The following TUT1 variants were observed in gnomAD, a reference collection of about 807,000 sequenced individuals.
TUT1 encodes speckle targeted PIP5K1A-regulated poly(A) polymerase.
TUT1 carries 26 observed loss-of-function variants against 48.8 expected under a neutral mutation model. That is an observed-to-expected ratio of 0.53 (90% CI 0.39 to 0.74). The LOEUF (loss-of-function observed/expected upper bound fraction) is 0.74, where lower values mean the gene tolerates loss of function less well. TUT1 is among the 30% of genes least tolerant of loss of function. TUT1 has a pLI of 0.00. For missense variants in TUT1, 1,065 were observed against 1,114.8 expected (o/e 0.96, Z 0.64); for synonymous variants, 470 against 460.8 (o/e 1.02, Z -0.26).
intron 2 of TUT1, among the ~76,000 whole-genome samples, chr11:62,586,387 A>G (rs1359192736): frequency 6.6e-6 from 1 of 152,236 alleles, no homozygotes; most frequent in Non-Finnish European, 1.5e-5. Context: ...CCAACTGCCT[A>G]CTGACCATTT....
Position 62,578,704 on chromosome 11 carries a change from T to C in TUT1, c.1017A>G (p.Ala339=). The C allele has an allele frequency of 3.7e-6, 6 of 1,614,214 alleles. No individual in the cohort carries two copies. Among genetic ancestry groups the C allele is most frequent in the Non-Finnish European group, 4.2e-6 (5 of 1,180,046 alleles). ...GAATGGATCCCACCAGCTCCAGCAT[T>C]GCTGCCCCCTCTGCTTTCTCCTCCT... The part of the protein sequence containing the change: ...TPKEEKAEGA[A]MLELVGSILR... The change falls in exon 5 of 9, where the codon GCA becomes GCG. Residue 339 remains alanine, a synonymous_variant. Transcript: ENST00000476907.
chr11:62,581,197 A>C lies in TUT1; in HGVS notation c.599T>G (p.Val200Gly). 1 of 1,614,148 alleles carries C rather than the reference A, an allele frequency of 6.2e-7. No homozygotes were observed. The highest frequency in any genetic ancestry group is 8.5e-7 in the Non-Finnish European group (1 of 1,180,014). The change falls in exon 4 of 9, where the codon GTC becomes GGC. Residue 200 changes from valine (V) to glycine (G), a missense_variant. Physicochemically the swap from Val to Gly is moderately radical, Grantham distance 109. Coordinates refer to ENST00000476907, the MANE Select transcript of TUT1 (RefSeq NM_022830.3). The stretch of plus-strand genomic sequence containing the variant: ...ATTTATGGAAGAGCCAAAAGGGTGG[A>C]CCACACAGCCTGGGTGCCGAGCAGA... ...VFTEFFPGCV[V>G]HPFGSSINSF...
rs1565264407 is a variant in TUT1, at chr11:62,575,188, G to A, written c.2531C>T (p.Thr844Ile). 6.2e-7 allele frequency: 1 copy of A among 1,611,690 alleles called. No individual in the cohort carries two copies. The highest frequency in any genetic ancestry group is 8.5e-7 in the Non-Finnish European group (1 of 1,178,020). Residue 844 changes from threonine to isoleucine, a missense_variant, in exon 9 of 9, where the codon ACT becomes ATT. Coordinates refer to ENST00000476907, the MANE Select transcript of TUT1 (RefSeq NM_022830.3). ...TTGGGGATCCTGGAGCGGGGTCACA[G>A]TGAGCATTCGGTCAGCCGGGGAGAC... ...ASVSPADRML[T>I]VTPLQDPQGL...
Position 62,581,471 on chromosome 11 carries a change from C to G in TUT1, c.504G>C (p.Gly168=). ...GCTCGGCCTCGGACAACTCCCTCAG[C>G]CCCACAAGCTTTATCATTTGTGCCC... The part of the protein sequence containing the change: ...DVGAQMIKLV[G]LRELSEAERQ... Residue 168 remains glycine (G), a synonymous_variant, in exon 3 of 9, where the codon GGG becomes GGC. Coordinates refer to ENST00000476907, the MANE Select transcript of TUT1 (RefSeq NM_022830.3). The G allele has an allele frequency of 6.2e-7, 1 of 1,614,138 alleles. No homozygotes were observed. The highest frequency in any genetic ancestry group is 8.5e-7 in the Non-Finnish European group (1 of 1,180,024).
intron 2 of TUT1, among the ~76,000 whole-genome samples, chr11:62,582,092 C>A (rs1345076396): frequency 6.6e-6 from 1 of 152,118 alleles, no homozygotes; most frequent in South Asian, 2.1e-4. Flanking sequence ...CAGCGATTCT[C>A]CTGCCTCAGT....
chr11:62,587,382 T>C (rs1476637290), intron 2 of TUT1, among the ~76,000 whole-genome samples: 6 of 152,106 alleles, frequency 3.9e-5, no homozygotes, highest in African/African-American at 1.4e-4. Flanking sequence ...GGTTTCTCCA[T>C]GTTGGTCAGG....
In TUT1 at chr11:62,581,698, C is replaced by T. The variant is rs145823364; in HGVS notation, c.277G>A (p.Val93Met). The T allele has an allele frequency of 3.2e-4, 467 of 1,450,902 alleles. 3 individuals are homozygous for T. The highest frequency in any genetic ancestry group is 5.0e-4 in the Admixed American group (17 of 34,080). 89.9% of individuals were successfully genotyped at this position (1,450,902 alleles called of 1,614,324 possible). A position where few individuals can be genotyped will look rare whatever the true frequency, so the allele number is the denominator to read the frequency against. ...TCCCCCATCTCCACAATGGCAAACA[C>T]TCCCTGGTAAACAACAGGGGCAGAG... Reference protein sequence around the residue: ...ASVVMDKDKGVFAIVEMGDVG... With the variant: ...ASVVMDKDKGMFAIVEMGDVG... The change falls in exon 3 of 9, where the codon GTG (valine) becomes ATG (methionine). Residue 93 changes from valine to methionine, a missense_variant. Physicochemically the swap from Val to Met is conservative, Grantham distance 21 (BLOSUM62 1). Coordinates refer to ENST00000476907, the MANE Select transcript of TUT1 (RefSeq NM_022830.3).
At chr11:62,584,891 G>A (rs1002682481) in intron 2 of TUT1, among the ~76,000 whole-genome samples, 13 of 151,350 alleles carry the variant, frequency 8.6e-5, no homozygotes, top group Admixed American at 1.3e-4. Flanking sequence ...GCACGATCTC[G>A]GCTCACTCCA....
rs1304567874 is a variant in TUT1 at position 62,591,512 on chromosome 11, A to C, written c.-27T>G. On this transcript the variant is annotated 5_prime_UTR_variant, in exon 1 of 9. Coordinates refer to ENST00000476907, the MANE Select transcript of TUT1 (RefSeq NM_022830.3). ...GCGACTCTCCTGTACCGACAAAAACACAAGCACCTCTGCCACCACCGGAAC... is the reference window on the plus strand; with the variant it reads ...GCGACTCTCCTGTACCGACAAAAACCCAAGCACCTCTGCCACCACCGGAAC... 8.1e-5 allele frequency: 130 copies of C among 1,613,736 alleles called. 1 individual carries two copies. The highest frequency in any genetic ancestry group is 1.1e-4 in the Non-Finnish European group (128 of 1,179,916).
chr11:62,577,446 G>A (rs909166785), intron 5 of TUT1, 155 bp from the exon 6 acceptor site: 17 of 644,708 alleles, frequency 2.6e-5, no homozygotes, highest in South Asian at 2.4e-4. Context: ...GACAGTGTGC[G>A]AAAGGACAAA....
Position 62,575,488 on chromosome 11 carries a change from T to C in TUT1, c.2231A>G (p.Glu744Gly). 2 of 1,612,608 alleles carry C rather than the reference T, an allele frequency of 1.2e-6. No individual in the cohort carries two copies. The highest frequency in any genetic ancestry group is 1.7e-6 in the Non-Finnish European group (2 of 1,180,008). ...ALAERGPKGH[E>G]AAQEWSQGEA... The stretch of plus-strand genomic sequence containing the variant: ...ACCCTGAGACCATTCTTGGGCTGCC[T>C]CATGTCCCTTGGGCCCCCGCTCTGC... The change falls in exon 9 of 9, where the codon GAG becomes GGG. Residue 744 changes from glutamate to glycine, a missense_variant. Physicochemically the swap from Glu to Gly is moderately conservative, Grantham distance 98. Transcript: ENST00000476907.
chr11:62,581,599 G>A lies in TUT1; in HGVS notation c.376C>T (p.Arg126Trp), dbSNP rs760008726. Reference sequence around the variant, plus strand: ...GGGCTCTGGAACTCCTTCTGCTCCCGTGGGCGGACACGCAGGCGATGTCCT... The same window carrying A: ...GGGCTCTGGAACTCCTTCTGCTCCCATGGGCGGACACGCAGGCGATGTCCT... ...LGGHRLRVRPREQKEFQSPAS... is the reference protein window; with the variant it reads ...LGGHRLRVRPWEQKEFQSPAS... The change falls in exon 3 of 9, where the codon CGG becomes TGG. Residue 126 changes from arginine (R) to tryptophan (W), a missense_variant. Physicochemically the swap from Arg to Trp is moderately radical, Grantham distance 101 (BLOSUM62 -3). Coordinates refer to ENST00000476907, the MANE Select transcript of TUT1 (RefSeq NM_022830.3). 29 of 1,601,332 alleles carry A rather than the reference G, an allele frequency of 1.8e-5. No individual in the cohort carries two copies. The highest frequency in any genetic ancestry group is 3.3e-5 in the South Asian group (3 of 89,766).
Position 62,576,295 on chromosome 11 carries a change from T to A in TUT1, c.1475-51A>T, listed in dbSNP as rs772604097. On this transcript the variant is annotated intron_variant, in intron 8 of 8. Transcript: ENST00000476907. ...AGGGGGGTCACTTAGAGGCCAGAAC[T>A]GATACAGGTCCTGCACCAGAGCCAT... is the stretch of plus-strand genomic sequence containing the variant. The A allele has an allele frequency of 4.1e-6, 6 of 1,471,670 alleles. No homozygotes were observed. The South Asian group carries it at 7.0e-5, about 17-fold the overall frequency. 91.2% of individuals were successfully genotyped at this position (1,471,670 alleles called of 1,614,324 possible). A position where few individuals can be genotyped will look rare whatever the true frequency, so the allele number is the denominator to read the frequency against.
intron 1 of TUT1, 111 bp downstream of exon 1, chr11:62,591,293 C>T: frequency 7.0e-7 from 1 of 1,423,162 alleles, no homozygotes. Flanking sequence ...GTGAGAGACC[C>T]TACCAATCAA....
Position 62,577,021 on chromosome 11 carries a change from G to T in TUT1, c.1271-4C>A. 8 of 1,613,038 alleles carry T rather than the reference G, an allele frequency of 5.0e-6. No homozygotes were observed. Among genetic ancestry groups the T allele is most frequent in the Non-Finnish European group, 6.8e-6 (8 of 1,179,192 alleles). On this transcript the variant is annotated splice_region_variant and splice_polypyrimidine_tract_variant and intron_variant, in intron 6 of 8. Transcript: ENST00000476907. The stretch of plus-strand genomic sequence containing the variant: ...TTACTGAGAAGGGGGCCACTCCCTG[G>T]GTAAATAAGCAATAATTCCGGTTAG...
chr11:62,590,615 T>C (rs1044482270), intron 1 of TUT1, among the ~76,000 whole-genome samples: 7 of 145,902 alleles, frequency 4.8e-5, no homozygotes, highest in Non-Finnish European at 7.5e-5. Flanking sequence ...CCAGCCTGGG[T>C]GACAGAGTGA....
Position 62,575,384 on chromosome 11 carries a change from G to T in TUT1, c.2335C>A (p.Arg779=). 1 of 1,612,516 alleles carries T rather than the reference G, an allele frequency of 6.2e-7. No individual in the cohort carries two copies. Residue 779 remains arginine (R), a synonymous_variant, in exon 9 of 9, where the codon CGG becomes AGG. Transcript: ENST00000476907. ...ALWHRVWQGR[R]RARRRLQQQT... is the part of the protein sequence containing the mutation. ...TGCTGCAAGCGTCTACGGGCTCGCC[G>T]CCGCCCTTGCCACACTCGGTGCCAC...
chr11:62,576,969 T>C lies in TUT1; in HGVS notation c.1319A>G (p.Tyr440Cys), dbSNP rs756552162. 16 of 1,613,790 alleles carry C rather than the reference T, an allele frequency of 9.9e-6. No individual in the cohort carries two copies. In the Admixed American group the frequency reaches 2.5e-4, roughly 25 times the overall value. Residue 440 changes from tyrosine (Y) to cysteine (C), a missense_variant, in exon 7 of 9, where the codon TAT becomes TGT. By Grantham distance (194) the Tyr-to-Cys change is radical (BLOSUM62 -2). Transcript: ENST00000476907. ...SNYALTLLVI[Y>C]FLQTRDPPVL... is the part of the protein sequence containing the mutation. ...AGGAGGGTCCCTGGTCTGAAGAAAA[T>C]AGATCACCAGCAAGGTCAGGGCGTA...
At chr11:62,577,097 C>T in intron 6 of TUT1, 80 bp from the exon 7 acceptor site, 1 of 1,581,560 alleles carries the variant, frequency 6.3e-7, no homozygotes, top group Non-Finnish European at 8.7e-7. Flanking sequence ...ACCCCGGTGC[C>T]CATTCTGACC....
Sources: gnomAD v4.1 joint callset for allele counts (sites outside exome capture counted in the v4.1 genomes callset) on GRCh38, gnomAD v4.1.1 for gene constraint, MANE v1.5 for transcripts, NCBI Gene and HGNC (gene_info 2026-07-23, HGNC 2026-07-21) for gene names.